Variants in GABRG3 observed in about 807,000 individuals in gnomAD.
GABRG3 encodes gamma-aminobutyric acid type A receptor subunit gamma3.
In GABRG3, 25 loss-of-function variants were observed where a neutral mutation model predicts 48.8. The ratio of observed to expected loss-of-function variants is 0.51; its 90% CI spans 0.37 to 0.72. The LOEUF (loss-of-function observed/expected upper bound fraction) is 0.72. GABRG3 is among the 30% of genes least tolerant of loss of function. GABRG3 has a pLI of 0.00. For synonymous variants in GABRG3, 227 were observed against 217.6 expected (o/e 1.04, Z -0.38); for missense variants, 394 against 577.9 (o/e 0.68, Z 3.26).
chr15:27,326,970 C>T lies in GABRG3; in HGVS notation c.432C>T (p.Ile144=), dbSNP rs1165587898. 1 of 1,614,018 alleles carries T rather than the reference C, an allele frequency of 6.2e-7. No homozygotes were observed. The highest frequency in any genetic ancestry group is 1.1e-5 in the South Asian group (1 of 91,088). ...RNSKTAEAHW[I]TTPNQLLRIW... ...CTAAAACCGCAGAGGCTCACTGGAT[C>T]ACCACACCCAATCAGCTCCTCCGGA... The change falls in exon 4 of 10, where the codon ATC becomes ATT. Residue 144 remains isoleucine (I), a synonymous_variant. Transcript: ENST00000615808.
chr15:27,186,698 T>G (rs949769463), intron 3 of GABRG3, among the ~76,000 whole-genome samples: 1 of 152,210 alleles, frequency 6.6e-6, no homozygotes, highest in South Asian at 2.1e-4. Flanking sequence ...CAAAAGCCAT[T>G]CTGATTGTTC....
chr15:27,311,733 A>G (rs890153403), intron 3 of GABRG3, among the ~76,000 whole-genome samples: 1 of 152,116 alleles, frequency 6.6e-6, no homozygotes, highest in Non-Finnish European at 1.5e-5. Flanking sequence ...TTCTCAGAGC[A>G]CTGATGGGAC....
chr15:27,453,314 C>T (rs1410462612), intron 5 of GABRG3, among the ~76,000 whole-genome samples: 2 of 152,104 alleles, frequency 1.3e-5, no homozygotes, highest in Non-Finnish European at 2.9e-5. Flanking sequence ...ACGAAGGTAA[C>T]TATGGGAAGT....
At chr15:27,495,533 A>C (rs1310453594) in intron 6 of GABRG3, among the ~76,000 whole-genome samples, 1 of 152,216 alleles carries the variant, frequency 6.6e-6, no homozygotes, top group African/African-American at 2.4e-5. Flanking sequence ...TCAACTATCA[A>C]CATAAATTAG....
chr15:27,216,329 A>T (rs1889245238), intron 3 of GABRG3, among the ~76,000 whole-genome samples: 2 of 152,244 alleles, frequency 1.3e-5, no homozygotes, highest in Admixed American at 1.3e-4. Flanking sequence ...ATCTGCCACA[A>T]GTGGTAACCC....
chr15:27,190,223 G>A (rs1888247058), intron 3 of GABRG3, among the ~76,000 whole-genome samples: 1 of 152,180 alleles, frequency 6.6e-6, no homozygotes, highest in African/African-American at 2.4e-5. Flanking sequence ...TTTGGTATCA[G>A]GATGATGCTG....
At chr15:27,323,635 G>A (rs1364277787) in intron 3 of GABRG3, among the ~76,000 whole-genome samples, 1 of 152,192 alleles carries the variant, frequency 6.6e-6, no homozygotes, top group Non-Finnish European at 1.5e-5. Flanking sequence ...GCAGCTGTCA[G>A]CTCACAGTCT....
At chr15:27,349,020 A>G (rs994717542) in intron 5 of GABRG3, among the ~76,000 whole-genome samples, 2 of 152,146 alleles carry the variant, frequency 1.3e-5, no homozygotes, top group Admixed American at 1.3e-4. Context: ...TTGGTGTCAG[A>G]TGGTTGTTAT....
At chr15:27,313,258 G>GTGTA (rs1893070912) in intron 3 of GABRG3, among the ~76,000 whole-genome samples, 3 of 53,052 alleles carry the variant, frequency 5.7e-5, no homozygotes, top group African/African-American at 2.7e-4. Flanking sequence ...GTGTGTGTGT[G>GTGTA]TGTGTATATA....
At chr15:27,476,914 G>A (rs1889957115) in intron 5 of GABRG3, among the ~76,000 whole-genome samples, 1 of 152,158 alleles carries the variant, frequency 6.6e-6, no homozygotes, top group African/African-American at 2.4e-5. Context: ...TTTGAAAACA[G>A]CAAGAGAAAA....
chr15:27,334,531 G>A (rs1317739707), intron 5 of GABRG3, among the ~76,000 whole-genome samples: 1 of 152,078 alleles, frequency 6.6e-6, no homozygotes, highest in African/African-American at 2.4e-5. Flanking sequence ...TCTTTATTGT[G>A]CAATGTTAAA....
At chr15:27,045,380 A>T (rs138164093) in intron 3 of GABRG3, among the ~76,000 whole-genome samples, 39 of 152,366 alleles carry the variant, frequency 2.6e-4, no homozygotes, top group African/African-American at 8.2e-4. Context: ...CACCGGGGGA[A>T]CAAACTCCAG....
chr15:27,012,009 C>G (rs1219548487), intron 2 of GABRG3, among the ~76,000 whole-genome samples: 1 of 152,120 alleles, frequency 6.6e-6, no homozygotes, highest in East Asian at 1.9e-4. Flanking sequence ...TTCTGCTGCT[C>G]TTTGTTCCTT....
chr15:27,121,760 A>G (rs79207218), intron 3 of GABRG3, among the ~76,000 whole-genome samples: 2,033 of 152,388 alleles, frequency 0.013, 40 homozygotes, highest in African/African-American at 0.046. Context: ...GGTTGAGTCT[A>G]TAAGATCTGT....
chr15:27,078,923 C>A (rs996007149), intron 3 of GABRG3, among the ~76,000 whole-genome samples: 1 of 152,062 alleles, frequency 6.6e-6, no homozygotes, highest in Non-Finnish European at 1.5e-5. Context: ...TAGGGTGGGG[C>A]CTTAATCCAT....
At chr15:27,247,430 C>T (rs938150332) in intron 3 of GABRG3, among the ~76,000 whole-genome samples, 9 of 152,088 alleles carry the variant, frequency 5.9e-5, no homozygotes, top group African/African-American at 9.7e-5. Flanking sequence ...TAGACCTGAC[C>T]TGGTGTGGCT....
At chr15:27,090,744 T>G (rs1403370909) in intron 3 of GABRG3, among the ~76,000 whole-genome samples, 1 of 152,222 alleles carries the variant, frequency 6.6e-6, no homozygotes, top group African/African-American at 2.4e-5. Context: ...TATTTTTGAC[T>G]CTATTGTAAA....
intron 3 of GABRG3, among the ~76,000 whole-genome samples, chr15:27,042,040 T>C (rs1896285370): frequency 6.6e-6 from 1 of 152,190 alleles, no homozygotes; most frequent in South Asian, 2.1e-4. Context: ...TTTGATTTCT[T>C]CAGTGGAAAC....
chr15:27,524,145 C>T (rs1891221442), intron 7 of GABRG3, among the ~76,000 whole-genome samples: 1 of 152,046 alleles, frequency 6.6e-6, no homozygotes, highest in East Asian at 1.9e-4. Context: ...AGAAATGTCA[C>T]CTTGCCTATA....
Sources: allele counts gnomAD v4.1 joint callset (sites outside exome capture counted in the v4.1 genomes callset), GRCh38; gene constraint gnomAD v4.1.1; transcripts MANE v1.5; gene names NCBI Gene and HGNC (gene_info 2026-07-23, HGNC 2026-07-21).